The following TUB variants were observed in gnomAD, a reference collection of about 807,000 sequenced individuals.
TUB encodes the protein tubby protein homolog.
In TUB, 33 loss-of-function variants were observed where a neutral mutation model predicts 59.7. That is an observed-to-expected ratio of 0.55 (90% CI 0.42 to 0.74). The LOEUF (loss-of-function observed/expected upper bound fraction) is 0.74, where lower values mean the gene tolerates loss of function less well. TUB is among the 30% of genes least tolerant of loss of function. The probability of loss-of-function intolerance (pLI) is 0.00; values close to 1 mark genes in which losing one functional copy is unlikely to be tolerated. For synonymous variants in TUB, 293 were observed against 256.4 expected, an observed-to-expected ratio of 1.14 and a Z score of -1.36; for missense variants, 659 against 672.0, an observed-to-expected ratio of 0.98 and a Z score of 0.21.
Position 8,100,582 on chromosome 11 carries a change from T to C in TUB, c.1196T>C (p.Val399Ala), listed in dbSNP as rs759596902. Residue 399 changes from valine to alanine, a missense_variant, in exon 10 of 12, where the codon GTC becomes GCC. Around this residue, in one of 3 missense-constraint regions of TUB, gnomAD observed 226 missense variants for 210.8 expected, o/e 1.07. Coordinates refer to ENST00000299506, the MANE Select transcript of TUB (RefSeq NM_177972.3). ...GGCATGAACATGGTTCATGAGAGAG[T>C]CTCTATCCGCCCCCGCAACGTGAGT... ...VPGMNMVHERVSIRPRNEHET... is the reference protein window; with the variant it reads ...VPGMNMVHERASIRPRNEHET... The C allele has an allele frequency of 3.1e-6, 5 of 1,613,556 alleles. No homozygotes were observed. The East Asian group carries it at 1.1e-4, about 36-fold the overall frequency.
At chr11:8,039,711 G>C in intron 2 of TUB, 1 of 1,512,528 alleles carries the variant, frequency 6.6e-7, no homozygotes, top group Non-Finnish European at 8.9e-7. Context: ...GAGGGGAGGA[G>C]GGCGTGCCGG....
rs957424115 is a variant in TUB at position 8,090,228 on chromosome 11, C to G, written c.250C>G (p.Gln84Glu). ...CAGCAGCAGTGGCAGCACCAGCTAC[C>G]AAGGTATACCTTGCCTGCTGCCCCA... ...YLSSSGSTSY[Q>E]VQEADSLASV... The change falls in exon 3 of 12, where the codon CAA (glutamine) becomes GAA (glutamate). Residue 84 changes from glutamine to glutamate, a missense_variant. Around this residue, in one of 3 missense-constraint regions of TUB, gnomAD observed 321 missense variants for 304.3 expected, o/e 1.05. Coordinates refer to ENST00000299506, the MANE Select transcript of TUB (RefSeq NM_177972.3). 6.2e-7 allele frequency: 1 copy of G among 1,613,170 alleles called. No homozygotes were observed. Among genetic ancestry groups the G allele is most frequent in the Non-Finnish European group, 8.5e-7 (1 of 1,179,794 alleles).
rs1564929625 is a variant in TUB at position 8,102,353 on chromosome 11, T to C, written c.*734T>C. On this transcript the variant is annotated 3_prime_UTR_variant, in exon 12 of 12. Coordinates refer to ENST00000299506, the MANE Select transcript of TUB (RefSeq NM_177972.3). ...AGGAACCCAGCTCTCAGGGCTGTCT[T>C]GGTGGATGGGCCCTGCAAGACACAG... 6.6e-6 allele frequency: 1 copy of C among 152,250 alleles called. No individual in the cohort carries two copies. The highest frequency in any genetic ancestry group is 1.9e-4 in the East Asian group (1 of 5,176). The allele number at this position is 152,250 out of a possible 1,614,324, so 9.4% of individuals were successfully genotyped here. A position where few individuals can be genotyped will look rare whatever the true frequency, so the allele number is the denominator to read the frequency against.
Position 8,095,800 on chromosome 11 carries a change from G to A in TUB, c.565+135G>A, listed in dbSNP as rs763399148. ...GGTGGGTGAGGGTGGGGCACACTTCGGAGACAAATGAGAAACTCTTAGGCA... is the reference window on the plus strand; with the variant it reads ...GGTGGGTGAGGGTGGGGCACACTTCAGAGACAAATGAGAAACTCTTAGGCA... On this transcript the variant is annotated intron_variant, in intron 5 of 11. Transcript: ENST00000299506. 457 of 987,078 alleles carry A rather than the reference G, an allele frequency of 4.6e-4. 1 individual carries two copies. The highest frequency in any genetic ancestry group is 4.0e-4 in the Non-Finnish European group (270 of 679,298). 61.1% of individuals were successfully genotyped at this position (987,078 alleles called of 1,614,324 possible). A position where few individuals can be genotyped will look rare whatever the true frequency, so the allele number is the denominator to read the frequency against.
rs750419936 is a variant in TUB at position 8,090,088 on chromosome 11, A to T, written c.110A>T (p.Lys37Met). ...CCATAGCGGGCCCTGCTGGAGCAGA[A>T]GCAGAAGAAGAAGCGCCAGGAGCCC... Reference protein sequence around the residue: ...LDRQRALLEQKQKKKRQEPLM... With the variant: ...LDRQRALLEQMQKKKRQEPLM... Residue 37 changes from lysine (K) to methionine (M), a missense_variant, in exon 3 of 12, where the codon AAG becomes ATG. By Grantham distance (95) the Lys-to-Met change is moderately conservative. Coordinates refer to ENST00000299506, the MANE Select transcript of TUB (RefSeq NM_177972.3). The T allele has an allele frequency of 9.3e-6, 15 of 1,610,390 alleles. No individual in the cohort carries two copies. The highest frequency in any genetic ancestry group is 8.5e-6 in the Non-Finnish European group (10 of 1,178,482).
At chr11:8,026,930 A>C (rs182026369) in intron 1 of TUB, among the ~76,000 whole-genome samples, 1 of 152,296 alleles carries the variant, frequency 6.6e-6, no homozygotes, top group East Asian at 1.9e-4. Flanking sequence ...GGGATAGATC[A>C]TCTTAATTTC....
intron 3 of TUB, among the ~76,000 whole-genome samples, chr11:8,090,867 T>C (rs1051584934): frequency 3.3e-5 from 5 of 151,530 alleles, no homozygotes; most frequent in African/African-American, 7.3e-5. Flanking sequence ...AGGACCCTCC[T>C]TCCTGCTTGG....
intron 2 of TUB, among the ~76,000 whole-genome samples, chr11:8,074,640 G>A (rs1319959173): frequency 2.6e-5 from 4 of 151,832 alleles, no homozygotes; most frequent in Non-Finnish European, 5.9e-5. Flanking sequence ...TCTGGAGGCT[G>A]AGGCAGGAGG....
chr11:8,041,703 T>C (rs1230808681), intron 2 of TUB, among the ~76,000 whole-genome samples: 1 of 152,204 alleles, frequency 6.6e-6, no homozygotes, highest in Non-Finnish European at 1.5e-5. Context: ...GAATCAACTC[T>C]TGTTCCTATT....
chr11:8,049,578 TATAGATAGATAGATAG>T (rs1554923442), intron 2 of TUB, among the ~76,000 whole-genome samples: 18 of 85,896 alleles, frequency 2.1e-4, no homozygotes, highest in African/African-American at 5.3e-4. Flanking sequence ...TATATATATA[TATAGATAGATAGATAG>T]ATAGATAGAT....
Position 8,098,433 on chromosome 11 carries a change from T to C in TUB, c.999-325T>C, listed in dbSNP as rs529884665. Among the ~76,000 whole-genome samples, 3 of 152,298 alleles carry C rather than the reference T, an allele frequency of 2.0e-5. No individual in the cohort carries two copies. The East Asian group carries it at 5.8e-4, about 29-fold the overall frequency. ...CGGGTGCTAAGCCTCTTCCACTGTC[T>C]TATCAGATGCCATTCTGTTTGCTCA... On this transcript the variant is annotated intron_variant, in intron 8 of 11. Coordinates refer to ENST00000299506, the MANE Select transcript of TUB (RefSeq NM_177972.3).
intron 2 of TUB, among the ~76,000 whole-genome samples, chr11:8,043,553 A>C (rs1942785819): frequency 1.3e-5 from 2 of 152,184 alleles, no homozygotes; most frequent in Non-Finnish European, 2.9e-5. Flanking sequence ...TTGATCCATA[A>C]ATACAGGATG....
Position 8,082,915 on chromosome 11 carries a change from C to T in TUB, c.38+1367C>T, listed in dbSNP as rs536010881. Among the ~76,000 whole-genome samples the T allele has an allele frequency of 1.9e-3, 291 of 152,292 alleles. 3 individuals carry two copies. The highest frequency in any genetic ancestry group is 6.5e-3 in the African/African-American group (270 of 41,548). On this transcript the variant is annotated intron_variant, in intron 1 of 11. Transcript: ENST00000299506. The stretch of plus-strand genomic sequence containing the variant: ...ACCACCAGCAACACCCTCACACGTG[C>T]GCACATACAGGTCACCCACAGGCTC...
chr11:8,101,027 T>A, intron 11 of TUB, 30 bp downstream of exon 11: 1 of 1,613,228 alleles, frequency 6.2e-7, no homozygotes, highest in Non-Finnish European at 8.5e-7. Flanking sequence ...CTCATTATGG[T>A]CCGTAGGATA....
chr11:8,102,953 CAG>C lies in TUB; in HGVS notation c.*1338_*1339del, dbSNP rs1944367762. 1 of 152,198 alleles carries C rather than the reference CAG, an allele frequency of 6.6e-6. No individual in the cohort carries two copies. The highest frequency in any genetic ancestry group is 2.4e-5 in the African/African-American group (1 of 41,452). The allele number at this position is 152,198 out of a possible 1,614,324, so 9.4% of individuals were successfully genotyped here. A position where few individuals can be genotyped will look rare whatever the true frequency, so the allele number is the denominator to read the frequency against. On this transcript the variant is annotated 3_prime_UTR_variant, in exon 12 of 12. Coordinates refer to ENST00000299506, the MANE Select transcript of TUB (RefSeq NM_177972.3). ...CATGCCCTCCCCACTTCCCCCGATTCAGAGACTTAGAAGCATCAGAGTTGATA... is the reference window on the plus strand; with the variant it reads ...CATGCCCTCCCCACTTCCCCCGATTCAGACTTAGAAGCATCAGAGTTGATA...
At chr11:8,036,479 T>C (rs1218846012), upstream of TUB, among the ~76,000 whole-genome samples, 3 of 152,230 alleles carry the variant, frequency 2.0e-5, no homozygotes, top group Non-Finnish European at 4.4e-5. Flanking sequence ...CACCATTCAG[T>C]GCACTAATGC....
At chr11:8,099,781 C>T (rs112447066) in intron 9 of TUB, among the ~76,000 whole-genome samples, 28 of 152,084 alleles carry the variant, frequency 1.8e-4, no homozygotes, top group African/African-American at 6.7e-4. Context: ...TGAGGTAGCT[C>T]TTGAGTAAAG....
chr11:8,099,862 T>C (rs1944184122), intron 9 of TUB, among the ~76,000 whole-genome samples: 1 of 152,148 alleles, frequency 6.6e-6, no homozygotes, highest in Non-Finnish European at 1.5e-5. Flanking sequence ...CCTGAATGCC[T>C]GGCATGAAGA....
upstream of TUB, among the ~76,000 whole-genome samples, chr11:8,036,890 A>G (rs528692075): frequency 2.2e-4 from 33 of 152,284 alleles, 2 homozygotes; most frequent in South Asian, 6.6e-3. Context: ...TACAGTTGAT[A>G]AGTTCACCTT....
Sources: allele counts gnomAD v4.1 joint callset (sites outside exome capture counted in the v4.1 genomes callset), GRCh38; gene constraint gnomAD v4.1.1; regional missense constraint gnomAD v4.1.1; transcripts MANE v1.5; gene names NCBI Gene and HGNC (gene_info 2026-07-23, HGNC 2026-07-21).